CA10: variants seen among roughly 807,000 people sequenced by gnomAD.
The protein encoded by CA10 is carbonic anhydrase 10 (inactive).
In CA10, 14 loss-of-function variants were observed where a neutral mutation model predicts 44.2. That is an observed-to-expected ratio of 0.32 (90% CI 0.21 to 0.50). CA10 has a LOEUF of 0.50. CA10 is among the 20% of genes least tolerant of loss of function. CA10 has a pLI of 0.99. For synonymous variants in CA10, 159 were observed against 141.6 expected, an observed-to-expected ratio of 1.12 and a Z score of -0.87; for missense variants, 350 against 409.7, an observed-to-expected ratio of 0.85 and a Z score of 1.26.
chr17:51,748,980 T>C (rs898087286), intron 3 of CA10, among the ~76,000 whole-genome samples: 3 of 152,186 alleles, frequency 2.0e-5, no homozygotes, highest in Admixed American at 6.5e-5. Context: ...ATGGAGCCCA[T>C]GTGACTGATA....
At chr17:52,039,334 CT>C (rs1416473270) in intron 2 of CA10, among the ~76,000 whole-genome samples, 6 of 151,504 alleles carry the variant, frequency 4.0e-5, no homozygotes, top group African/African-American at 1.5e-4. Flanking sequence ...CACACAGCAC[CT>C]TTTGTCAGCT....
rs550749709 is a variant in CA10 at position 51,697,873 on chromosome 17, A to G, written c.466-44137T>C. On this transcript the variant is annotated intron_variant, in intron 4 of 8. Coordinates refer to ENST00000451037, the MANE Select transcript of CA10 (RefSeq NM_020178.5). ...AGGATACTTCATCCTGGAACTGTGA[A>G]TAATTTTAATGCCCAATTTCACTAC... 1.6e-4 allele frequency among the ~76,000 whole-genome samples: 24 copies of G among 152,358 alleles called. No homozygotes were observed. In the South Asian group the frequency reaches 4.1e-3, roughly 26 times the overall value.
At chr17:52,126,841 G>T (rs1989130619) in intron 1 of CA10, among the ~76,000 whole-genome samples, 1 of 152,044 alleles carries the variant, frequency 6.6e-6, no homozygotes, top group Non-Finnish European at 1.5e-5. Context: ...CTTTATAAAG[G>T]ATTAATACAT....
At chr17:51,903,626 C>T (rs1447652882) in intron 3 of CA10, among the ~76,000 whole-genome samples, 1 of 152,100 alleles carries the variant, frequency 6.6e-6, no homozygotes, top group East Asian at 1.9e-4. Context: ...GTAATGCAAA[C>T]CTGATTATAC....
chr17:51,800,467 C>T (rs1906883472), intron 3 of CA10, among the ~76,000 whole-genome samples: 1 of 151,950 alleles, frequency 6.6e-6, no homozygotes, highest in Non-Finnish European at 1.5e-5. Context: ...AAATTATACA[C>T]CTGAAATGGA....
chr17:51,877,830 G>C (rs1050092592), intron 3 of CA10, among the ~76,000 whole-genome samples: 4 of 152,058 alleles, frequency 2.6e-5, no homozygotes, highest in African/African-American at 9.7e-5. Context: ...AATATAAAGA[G>C]AGGTAAAGAG....
chr17:51,928,484 A>G (rs571113937), intron 3 of CA10, among the ~76,000 whole-genome samples: 2 of 152,268 alleles, frequency 1.3e-5, no homozygotes, highest in Admixed American at 6.5e-5. Context: ...AAATATGTTA[A>G]AATAAACATA....
chr17:51,830,344 G>A (rs1457895938), intron 3 of CA10, among the ~76,000 whole-genome samples: 1 of 152,042 alleles, frequency 6.6e-6, no homozygotes, highest in Non-Finnish European at 1.5e-5. Context: ...CAGTAGACCA[G>A]GGATGCCTTT....
chr17:52,082,551 C>G (rs781065306), intron 1 of CA10, among the ~76,000 whole-genome samples: 62 of 152,152 alleles, frequency 4.1e-4, no homozygotes, highest in Non-Finnish European at 7.9e-4. Context: ...AGGTACAAAG[C>G]TTCCCTCACT....
At chr17:52,157,529 A>AACCCCCCC (rs1555571054) in intron 1 of CA10, among the ~76,000 whole-genome samples, 197 bp downstream of exon 1, 1 of 110,390 alleles carries the variant, frequency 9.1e-6, no homozygotes, top group Non-Finnish European at 1.8e-5. Context: ...GATCCTAACC[A>AACCCCCCC]CCCCCCCCCG....
chr17:52,157,166 G>C (rs1989820474), intron 1 of CA10, among the ~76,000 whole-genome samples: 1 of 152,144 alleles, frequency 6.6e-6, no homozygotes, highest in African/African-American at 2.4e-5. Flanking sequence ...AAAATTGGGG[G>C]GGTAGAGGAG....
intron 1 of CA10, among the ~76,000 whole-genome samples, chr17:52,146,693 AATAAATATAAAAAAAT>A (rs1372030788): frequency 2.8e-5 from 4 of 145,006 alleles, no homozygotes; most frequent in Non-Finnish European, 6.2e-5. Context: ...TAAATAAATA[AATAAATATAAAAAAAT>A]AAAAATAAAA....
intron 2 of CA10, among the ~76,000 whole-genome samples, chr17:51,967,975 T>G (rs1468232046): frequency 6.6e-6 from 1 of 151,740 alleles, no homozygotes; most frequent in Non-Finnish European, 1.5e-5. Context: ...GGGAGATTAT[T>G]GAGGTATAAG....
chr17:52,020,959 T>C (rs773646362), intron 2 of CA10, among the ~76,000 whole-genome samples: 5 of 152,050 alleles, frequency 3.3e-5, no homozygotes, highest in Non-Finnish European at 5.9e-5. Flanking sequence ...GCATCACTCA[T>C]TGTTGCTGCA....
At chr17:51,870,974 C>A (rs1979776031) in intron 3 of CA10, among the ~76,000 whole-genome samples, 1 of 150,744 alleles carries the variant, frequency 6.6e-6, no homozygotes, top group Non-Finnish European at 1.5e-5. Context: ...ACCCTTCAGA[C>A]AAAACATTGA....
intron 2 of CA10, among the ~76,000 whole-genome samples, chr17:51,999,182 A>G (rs943689577): frequency 6.6e-6 from 1 of 152,040 alleles, no homozygotes; most frequent in African/African-American, 2.4e-5. Flanking sequence ...GGTACTTTGT[A>G]AACACTGTCT....
chr17:51,929,139 G>C (rs749694334), intron 3 of CA10, among the ~76,000 whole-genome samples: 2 of 151,980 alleles, frequency 1.3e-5, no homozygotes, highest in Non-Finnish European at 2.9e-5. Flanking sequence ...AAAAACCCAA[G>C]TCATAACATG....
chr17:52,043,599 A>G (rs1005660886), intron 2 of CA10, among the ~76,000 whole-genome samples: 4 of 152,088 alleles, frequency 2.6e-5, no homozygotes, highest in Admixed American at 2.6e-4. Context: ...TATATTGAAT[A>G]AAAGTTGTGA....
chr17:51,905,526 CTTTTTTTTTTTTT>C (rs34606778), intron 3 of CA10, among the ~76,000 whole-genome samples: 1 of 99,856 alleles, frequency 1.0e-5, no homozygotes, highest in African/African-American at 5.0e-5. Flanking sequence ...CCTATCAGTC[CTTTTTTTTTTTTT>C]TTTTTTTTTT....
Sources: allele counts gnomAD v4.1 joint callset (sites outside exome capture counted in the v4.1 genomes callset), GRCh38; gene constraint gnomAD v4.1.1; transcripts MANE v1.5; gene names NCBI Gene and HGNC (gene_info 2026-07-23, HGNC 2026-07-21).